BATF3: variants seen among roughly 807,000 people sequenced by gnomAD.
BATF3 encodes the protein basic leucine zipper ATF-like transcription factor 3.
In BATF3, 8 loss-of-function variants were observed where a neutral mutation model predicts 16.1. The observed-to-expected ratio is 0.50, with a 90% CI of 0.29 to 0.90. BATF3 has a LOEUF of 0.90. Among genes scored for constraint, BATF3 ranks in the 40% least tolerant of loss-of-function variants. The probability of loss-of-function intolerance (pLI) is 0.08; values close to 1 mark genes in which losing one functional copy is unlikely to be tolerated. For synonymous variants in BATF3, 74 were observed against 72.7 expected (o/e 1.02, Z -0.09); for missense variants, 139 against 167.0 (o/e 0.83, Z 0.92).
intron 2 of BATF3, among the ~76,000 whole-genome samples, chr1:212,694,690 C>T (rs1215701363): frequency 1.3e-5 from 2 of 152,156 alleles, no homozygotes; most frequent in Non-Finnish European, 2.9e-5. Context: ...CCTCTGGGGG[C>T]TATTTTGGTA....
At chr1:212,688,940 A>G (rs1283960389) in intron 2 of BATF3, among the ~76,000 whole-genome samples, 2 of 152,136 alleles carry the variant, frequency 1.3e-5, no homozygotes, top group African/African-American at 4.8e-5. Flanking sequence ...GCCCCCAAAG[A>G]CACATGCAAA....
intron 2 of BATF3, among the ~76,000 whole-genome samples, chr1:212,694,765 T>C (rs567397914): frequency 1.3e-5 from 2 of 152,302 alleles, no homozygotes; most frequent in East Asian, 3.9e-4. Context: ...GCAAAGGGCA[T>C]TGCCGTTCTT....
At chr1:212,697,124 CCT>C in intron 1 of BATF3, 59 bp from the exon 2 acceptor site, 2 of 1,345,166 alleles carry the variant, frequency 1.5e-6, no homozygotes, top group South Asian at 2.4e-5. Flanking sequence ...CCTTTTCTGC[CCT>C]GTCTCATCAC....
intron 1 of BATF3, chr1:212,697,306 G>A (rs1281679425): frequency 2.3e-6 from 1 of 430,392 alleles, no homozygotes; most frequent in Admixed American, 4.0e-5. Flanking sequence ...ACTCAGAGAG[G>A]TTAAGGACCT....
intron 2 of BATF3, among the ~76,000 whole-genome samples, chr1:212,694,153 C>G (rs578034593): frequency 1.3e-5 from 2 of 152,310 alleles, no homozygotes; most frequent in East Asian, 3.9e-4. Flanking sequence ...CCCAGGAACA[C>G]TGAAGCCTCT....
Position 212,686,814 on chromosome 1 carries a change from C to T in BATF3, c.361G>A (p.Val121Met). Residue 121 changes from valine to methionine, a missense_variant, in exon 3 of 3, where the codon GTG (valine) becomes ATG (methionine). Physicochemically the swap from Val to Met is conservative, Grantham distance 21. Coordinates refer to ENST00000243440, the MANE Select transcript of BATF3 (RefSeq NM_018664.3). ...CTTCATCGGGGCAAGCAGCCGGCCA[C>T]AGGGTCCGGCCGGGGAGGCACTGGC... Reference protein sequence around the residue: ...FVPVPPRPDPVAGCLPR With the variant: ...FVPVPPRPDPMAGCLPR 1 of 1,612,888 alleles carries T rather than the reference C, an allele frequency of 6.2e-7. No individual in the cohort carries two copies. Among genetic ancestry groups the T allele is most frequent in the Non-Finnish European group, 8.5e-7 (1 of 1,179,192 alleles).
intron 1 of BATF3, 77 bp from the exon 2 acceptor site, chr1:212,697,142 G>T: frequency 1.7e-6 from 2 of 1,150,778 alleles, no homozygotes; most frequent in Non-Finnish European, 2.6e-6. Flanking sequence ...ATCACTCAGC[G>T]TTGTTCACTG....
intron 1 of BATF3, chr1:212,697,966 T>C (rs1657171861): frequency 6.6e-6 from 1 of 152,232 alleles, no homozygotes; most frequent in Non-Finnish European, 1.5e-5. Context: ...CAGTTATTAA[T>C]ATTCACGGAA....
chr1:212,690,975 A>G (rs757394518), intron 2 of BATF3, among the ~76,000 whole-genome samples: 1 of 152,208 alleles, frequency 6.6e-6, no homozygotes, highest in Non-Finnish European at 1.5e-5. Flanking sequence ...GTGCTACTAC[A>G]TCATGTGGCT....
Position 212,687,038 on chromosome 1 carries a change from C to T in BATF3, c.196-59G>A, listed in dbSNP as rs541057848. 2.3e-4 allele frequency: 254 copies of T among 1,118,714 alleles called. 6 individuals are homozygous for T. The South Asian group carries it at 3.1e-3, about 14-fold the overall frequency. 69.3% of individuals were successfully genotyped at this position (1,118,714 alleles called of 1,614,324 possible). On this transcript the variant is annotated intron_variant, in intron 2 of 2. Coordinates refer to ENST00000243440, the MANE Select transcript of BATF3 (RefSeq NM_018664.3). ...GTGCAGCGTTCCCTTCCTCCGTCCTCCTGTGCCGCGCTGTTCACCTCTTGC... is the reference window on the plus strand; with the variant it reads ...GTGCAGCGTTCCCTTCCTCCGTCCTTCTGTGCCGCGCTGTTCACCTCTTGC...
At position 212,699,695 on chromosome 1, in the gene BATF3, G is replaced by T; in HGVS notation, c.68C>A (p.Pro23Gln). ...TACCTGCTGCTGCGGCTGCGGCTGC[G>T]GCTGGTTCCCGGGCGCCGCGACGCT... is the stretch of plus-strand genomic sequence containing the variant. ...QRSVAAPGNQ[P>Q]QPQPQQQSPE... The change falls in exon 1 of 3, where the codon CCG becomes CAG. Residue 23 changes from proline to glutamine, a missense_variant. Coordinates refer to ENST00000243440, the MANE Select transcript of BATF3 (RefSeq NM_018664.3). The surrounding 1 kb of genome is among the most constrained non-coding windows in gnomAD (Gnocchi z 4.4). The T allele has an allele frequency of 7.4e-7, 1 of 1,350,766 alleles. No homozygotes were observed. The highest frequency in any genetic ancestry group is 9.6e-7 in the Non-Finnish European group (1 of 1,046,856). The allele number at this position is 1,350,766 out of a possible 1,614,324, so 83.7% of individuals were successfully genotyped here.
At chr1:212,688,727 T>C (rs1356355939) in intron 2 of BATF3, among the ~76,000 whole-genome samples, 1 of 152,258 alleles carries the variant, frequency 6.6e-6, no homozygotes, top group Non-Finnish European at 1.5e-5. Context: ...CTCTACGGCA[T>C]GCCAATAGAG....
chr1:212,698,419 G>C (rs1657181167), intron 1 of BATF3: 1 of 152,214 alleles, frequency 6.6e-6, no homozygotes, highest in Non-Finnish European at 1.5e-5. Context: ...GCCAGACACT[G>C]TTCTAGACAC....
In BATF3 at chr1:212,699,766, G is replaced by C. The variant is rs1455801134; in HGVS notation, c.-4C>G. On this transcript the variant is annotated 5_prime_UTR_variant, in exon 1 of 3. Transcript: ENST00000243440. This position sits in a 1 kb window ranked among gnomAD's most constrained non-coding sequence, Gnocchi z 4.4. ...CGGCCGGGAGCCCTTGCGACATGCC[G>C]GGCGCTCCTCTGGCCCGGCCCGCCC... The C allele has an allele frequency of 7.9e-7, 1 of 1,265,172 alleles. No individual in the cohort carries two copies. The highest frequency in any genetic ancestry group is 2.5e-5 in the South Asian group (1 of 39,320). 78.4% of individuals were successfully genotyped at this position (1,265,172 alleles called of 1,614,324 possible).
rs570288915 is a variant in BATF3, at chr1:212,695,279, G to A, written c.195+1682C>T. On this transcript the variant is annotated intron_variant, in intron 2 of 2. Coordinates refer to ENST00000243440, the MANE Select transcript of BATF3 (RefSeq NM_018664.3). ...GGAGGCCGAGGCGGGTGAATCACGAGGTGAGGAGTTCGAGACCAGCCTGGC... is the reference window on the plus strand; with the variant it reads ...GGAGGCCGAGGCGGGTGAATCACGAAGTGAGGAGTTCGAGACCAGCCTGGC... 2.6e-5 allele frequency among the ~76,000 whole-genome samples: 4 copies of A among 152,202 alleles called. No homozygotes were observed. The South Asian group carries it at 8.3e-4, about 32-fold the overall frequency.
intron 2 of BATF3, among the ~76,000 whole-genome samples, chr1:212,696,564 C>A (rs1423424307): frequency 2.0e-5 from 3 of 151,380 alleles, no homozygotes; most frequent in East Asian, 1.9e-4. Context: ...GGGGAATAAC[C>A]AGGAACCAGG....
chr1:212,697,104 C>T (rs752939881), intron 1 of BATF3, 39 bp from the exon 2 acceptor site: 1 of 1,528,058 alleles, frequency 6.5e-7, no homozygotes, highest in South Asian at 1.1e-5. Context: ...GTCGTGGCCC[C>T]TCGCCTTACC....
Position 212,696,887 on chromosome 1 carries a change from A to C in BATF3, c.195+74T>G, listed in dbSNP as rs182364464. 2,028 of 1,070,972 alleles carry C rather than the reference A, an allele frequency of 1.9e-3. 4 individuals carry two copies. Among genetic ancestry groups the C allele is most frequent in the Non-Finnish European group, 2.3e-3 (1,614 of 695,426 alleles). The allele number at this position is 1,070,972 out of a possible 1,614,324, so 66.3% of individuals were successfully genotyped here. ...TTGCTGAAATCGTGATAAAGAGAAC[A>C]GTCATCACCCCCACTCCCGTGCAAG... On this transcript the variant is annotated intron_variant, in intron 2 of 2. Transcript: ENST00000243440.
At chr1:212,688,905 A>G (rs1354293995) in intron 2 of BATF3, among the ~76,000 whole-genome samples, 2 of 152,186 alleles carry the variant, frequency 1.3e-5, no homozygotes, top group African/African-American at 4.8e-5. Flanking sequence ...TTAAGGGAGT[A>G]TCACTAAAGA....
Sources: allele counts gnomAD v4.1 joint callset (sites outside exome capture counted in the v4.1 genomes callset), GRCh38; gene constraint gnomAD v4.1.1; non-coding constraint Gnocchi (gnomAD v3.1); transcripts MANE v1.5; gene names NCBI Gene and HGNC (gene_info 2026-07-23, HGNC 2026-07-21).